Variants in NXPE2 observed in about 807,000 individuals in gnomAD.
The protein encoded by NXPE2 is NXPE family member 2.
Under a neutral mutation model 34.4 loss-of-function variants are expected in NXPE2, and 34 were observed. The observed-to-expected ratio is 0.99, with a 90% CI of 0.75 to 1.31. NXPE2 has a LOEUF of 1.31. Ranked by LOEUF, NXPE2 falls within the 40% of genes most tolerant of loss-of-function variation. NXPE2 has a pLI of 0.00. For missense variants in NXPE2, 649 were observed against 672.5 expected (o/e 0.97, Z 0.39); for synonymous variants, 235 against 231.3 (o/e 1.02, Z -0.15).
the NXPE2 span, among the ~76,000 whole-genome samples, chr11:114,519,132 A>G: frequency 6.6e-6 from 1 of 152,226 alleles, no homozygotes; most frequent in East Asian, 1.9e-4. Flanking sequence ...CACACGTTTT[A>G]TGAGCCTTTT....
At chr11:114,625,497 G>A in the NXPE2 span, among the ~76,000 whole-genome samples, 1,246 of 152,252 alleles carry the variant, frequency 8.2e-3, 18 homozygotes, top group African/African-American at 0.028. Context: ...GGCCTCGTGG[G>A]TAACCACTGT....
chr11:114,469,303 CG>C, the NXPE2 span, among the ~76,000 whole-genome samples: 68 of 150,788 alleles, frequency 4.5e-4, no homozygotes, highest in African/African-American at 1.6e-3. Flanking sequence ...TTAGTAGAGA[CG>C]GGGTTTCACC....
chr11:114,658,260 A>G, the NXPE2 span, among the ~76,000 whole-genome samples: 2 of 152,228 alleles, frequency 1.3e-5, no homozygotes. Flanking sequence ...GAGCAGGGGA[A>G]GAGGATGAAC....
At chr11:114,747,155 T>C in the NXPE2 span, among the ~76,000 whole-genome samples, 1 of 152,208 alleles carries the variant, frequency 6.6e-6, no homozygotes, top group Non-Finnish European at 1.5e-5. Context: ...GGATAGATTA[T>C]ACTACTGTAA....
At chr11:114,570,898 T>G in the NXPE2 span, 4 of 1,438,220 alleles carry the variant, frequency 2.8e-6, no homozygotes, top group Non-Finnish European at 3.8e-6. Flanking sequence ...GTCAATAAAT[T>G]TTTTTACTTA....
the NXPE2 span, among the ~76,000 whole-genome samples, chr11:114,757,665 T>A: frequency 1.3e-5 from 2 of 152,224 alleles, no homozygotes; most frequent in Non-Finnish European, 2.9e-5. Flanking sequence ...AGGAGAAATA[T>A]GCAGAAAAGA....
chr11:114,706,695 A>G lies in NXPE2; in HGVS notation c.1445A>G (p.Glu482Gly). The change falls in exon 6 of 6, where the codon GAG becomes GGG. Residue 482 changes from glutamate (E) to glycine (G), a missense_variant. Coordinates refer to ENST00000389586, the MANE Select transcript of NXPE2 (RefSeq NM_182495.6). ...AIERLFLRSP[E>G]TKVILKTENT... ...GAACGTCTATTCTTGCGAAGCCCGG[A>G]GACCAAGGTGATACTTAAAACTGAA... The G allele has an allele frequency of 6.4e-7, 1 of 1,552,222 alleles. No homozygotes were observed. The highest frequency in any genetic ancestry group is 8.7e-7 in the Non-Finnish European group (1 of 1,147,082).
the NXPE2 span, among the ~76,000 whole-genome samples, chr11:114,497,642 T>C: frequency 2.0e-5 from 3 of 152,218 alleles, no homozygotes; most frequent in East Asian, 5.8e-4. Context: ...GGCTATGCCA[T>C]CTAGGTTTGT....
chr11:114,639,922 A>G, the NXPE2 span, among the ~76,000 whole-genome samples: 9 of 114,194 alleles, frequency 7.9e-5, no homozygotes, highest in South Asian at 2.5e-4. Context: ...ATAATATTAT[A>G]TTATATATTA....
At chr11:114,539,752 TA>T in the NXPE2 span, among the ~76,000 whole-genome samples, 1 of 152,094 alleles carries the variant, frequency 6.6e-6, no homozygotes, top group Admixed American at 6.5e-5. Flanking sequence ...AATATAATTG[TA>T]AAGTGCAATA....
the NXPE2 span, among the ~76,000 whole-genome samples, chr11:114,636,254 G>A: frequency 6.6e-6 from 1 of 152,046 alleles, no homozygotes; most frequent in Non-Finnish European, 1.5e-5. Context: ...TTTGCGTAGA[G>A]GTGTTTGTAG....
At chr11:114,789,464 A>T in the NXPE2 span, among the ~76,000 whole-genome samples, 1 of 152,250 alleles carries the variant, frequency 6.6e-6, no homozygotes. Flanking sequence ...CTACCCTTAC[A>T]GAGGAAAGGA....
At chr11:114,683,355 T>C (rs1239023673) in intron 2 of NXPE2, among the ~76,000 whole-genome samples, 1 of 152,144 alleles carries the variant, frequency 6.6e-6, no homozygotes, top group Non-Finnish European at 1.5e-5. Context: ...ATATATGATT[T>C]ACTCATTTAT....
chr11:114,741,628 A>C, the NXPE2 span, among the ~76,000 whole-genome samples: 1 of 152,054 alleles, frequency 6.6e-6, no homozygotes, highest in African/African-American at 2.4e-5. Flanking sequence ...TATTTCATTC[A>C]TTATATTCTT....
At chr11:114,563,798 A>G in the NXPE2 span, among the ~76,000 whole-genome samples, 1 of 152,336 alleles carries the variant, frequency 6.6e-6, no homozygotes, top group Non-Finnish European at 1.5e-5. Context: ...AAGAATGGTC[A>G]TAATTTAAAA....
chr11:114,692,590 C>T (rs1389050757), intron 2 of NXPE2, among the ~76,000 whole-genome samples: 2 of 152,176 alleles, frequency 1.3e-5, no homozygotes, highest in African/African-American at 4.8e-5. Flanking sequence ...CAGCCATGAT[C>T]ATTAAAGCCT....
the NXPE2 span, among the ~76,000 whole-genome samples, chr11:114,743,411 A>G: frequency 6.6e-6 from 1 of 151,782 alleles, no homozygotes; most frequent in Non-Finnish European, 1.5e-5. Context: ...CTTTTTATAT[A>G]ATATGACACA....
chr11:114,650,421 G>A, the NXPE2 span, among the ~76,000 whole-genome samples: 1 of 152,192 alleles, frequency 6.6e-6, no homozygotes, highest in Non-Finnish European at 1.5e-5. Context: ...ACTCAGAGAA[G>A]ACCAGGAGAT....
the NXPE2 span, among the ~76,000 whole-genome samples, chr11:114,765,238 C>T: frequency 2.8e-5 from 4 of 143,182 alleles, no homozygotes; most frequent in African/African-American, 1.0e-4. Context: ...CATTTGTTTC[C>T]AACAAATACA....
Sources: gnomAD v4.1 joint callset for allele counts (sites outside exome capture counted in the v4.1 genomes callset) on GRCh38, gnomAD v4.1.1 for gene constraint, MANE v1.5 for transcripts, NCBI Gene and HGNC (gene_info 2026-07-23, HGNC 2026-07-21) for gene names.